Variants in ERAP2 observed in about 807,000 individuals in gnomAD.
The protein encoded by ERAP2 is endoplasmic reticulum aminopeptidase 2, also known as leukocyte-derived arginine aminopeptidase.
Under a neutral mutation model 111.1 loss-of-function variants are expected in ERAP2, and 118 were observed. The ratio of observed to expected loss-of-function variants is 1.06; its 90% CI spans 0.92 to 1.24. The LOEUF (loss-of-function observed/expected upper bound fraction) is 1.24, where lower values mean the gene tolerates loss of function less well. Among genes scored for constraint, ERAP2 ranks in the 50% most tolerant of loss-of-function variants. The pLI, the probability that ERAP2 is intolerant of heterozygous loss-of-function variation, is 0.00. For missense variants in ERAP2, 1,131 were observed against 1,125.8 expected (o/e 1.00, Z -0.07); for synonymous variants, 410 against 401.2 (o/e 1.02, Z -0.26).
chr5:96,908,858 A>T, intron 13 of ERAP2, 103 bp from the exon 14 acceptor site: 1 of 1,205,682 alleles, frequency 8.3e-7, no homozygotes. Context: ...AGCTATAATG[A>T]CCTACTTCTG....
chr5:96,900,291 G>C (rs1785311735), intron 10 of ERAP2, 102 bp downstream of exon 10: 1 of 1,465,826 alleles, frequency 6.8e-7, no homozygotes, highest in East Asian at 2.3e-5. Flanking sequence ...TTTAAAAGCT[G>C]GAGAGAAAGA....
Position 96,895,239 on chromosome 5 carries a change from C to G in ERAP2, c.1126-7C>G. 1 of 1,550,686 alleles carries G rather than the reference C, an allele frequency of 6.4e-7. No homozygotes were observed. The highest frequency in any genetic ancestry group is 8.8e-7 in the Non-Finnish European group (1 of 1,133,136). ...ACTTCTAATAATATTGAGTTTTTAC[C>G]TCCTAGTGGTTTGGCAACCTGGTCA... On this transcript the variant is annotated splice_polypyrimidine_tract_variant and splice_region_variant and intron_variant, in intron 6 of 18. Transcript: ENST00000437043.
chr5:96,884,067 T>A, intron 3 of ERAP2, 137 bp downstream of exon 3: 3 of 657,778 alleles, frequency 4.6e-6, no homozygotes, highest in African/African-American at 3.9e-5. Context: ...TCTATCTATC[T>A]ATCTATCTAT....
intron 2 of ERAP2, 147 bp downstream of exon 2, chr5:96,880,407 C>T: frequency 1.4e-6 from 1 of 734,922 alleles, no homozygotes; most frequent in Non-Finnish European, 2.2e-6. Flanking sequence ...TCTACCATTC[C>T]TTAAGGAAAC....
Position 96,879,744 on chromosome 5 carries a change from G to T in ERAP2, c.59G>T (p.Arg20Ile), listed in dbSNP as rs778522413. Residue 20 changes from arginine to isoleucine, a missense_variant, in exon 2 of 19, where the codon AGA becomes ATA. Physicochemically the swap from Arg to Ile is moderately conservative, Grantham distance 97. Transcript: ENST00000437043. ...AGAAAACCAATGTTTAACATTCACA[G>T]AGGATTTTACTGCTTAACAGCCATC... ...SHRKPMFNIHRGFYCLTAILP... is the reference protein window; with the variant it reads ...SHRKPMFNIHIGFYCLTAILP... The T allele has an allele frequency of 6.2e-7, 1 of 1,614,170 alleles. No individual in the cohort carries two copies. The highest frequency in any genetic ancestry group is 8.5e-7 in the Non-Finnish European group (1 of 1,180,022).
rs1317615543 is a variant in ERAP2 at position 96,913,427 on chromosome 5, T to A, written c.2627T>A (p.Val876Glu). 6 of 1,614,018 alleles carry A rather than the reference T, an allele frequency of 3.7e-6. No homozygotes were observed. Among genetic ancestry groups the A allele is most frequent in the Non-Finnish European group, 4.2e-6 (5 of 1,180,002 alleles). ...PKGQQLAWDF[V>E]RENWTHLLKK... ...GGGCAGCAACTAGCATGGGATTTTGTAAGAGAAAATTGGACCCATCTTCTG... is the reference window on the plus strand; with the variant it reads ...GGGCAGCAACTAGCATGGGATTTTGAAAGAGAAAATTGGACCCATCTTCTG... Residue 876 changes from valine to glutamate, a missense_variant, in exon 17 of 19, where the codon GTA becomes GAA. Val to Glu is a moderately radical substitution (Grantham distance 121). Transcript: ENST00000437043.
chr5:96,907,594 C>T (rs1295645488), intron 13 of ERAP2, among the ~76,000 whole-genome samples: 1 of 149,542 alleles, frequency 6.7e-6, no homozygotes, highest in African/African-American at 2.5e-5. Context: ...TTTAATACGG[C>T]AGACTAGCCG....
At chr5:96,914,489 T>G (rs1412495563) in intron 17 of ERAP2, among the ~76,000 whole-genome samples, 1 of 152,230 alleles carries the variant, frequency 6.6e-6, no homozygotes, top group Non-Finnish European at 1.5e-5. Context: ...CCTTTAAAAC[T>G]CTACTTGAGC....
At chr5:96,883,121 A>G (rs1482564615) in intron 2 of ERAP2, among the ~76,000 whole-genome samples, 1 of 152,204 alleles carries the variant, frequency 6.6e-6, no homozygotes, top group Non-Finnish European at 1.5e-5. Flanking sequence ...CCATTAGCCA[A>G]CAATGGTACA....
chr5:96,912,568 A>C, intron 15 of ERAP2, 69 bp from the exon 16 acceptor site: 1 of 1,262,556 alleles, frequency 7.9e-7, no homozygotes, highest in Non-Finnish European at 1.1e-6. Flanking sequence ...TATAGGACTT[A>C]AAATTGTCAT....
rs908009571 is a variant in ERAP2 at position 96,883,868 on chromosome 5, G to A, written c.652G>A (p.Ala218Thr). 1.9e-6 allele frequency: 3 copies of A among 1,613,700 alleles called. No individual in the cohort carries two copies. In the African/African-American group the frequency reaches 4.0e-5, roughly 22 times the overall value. Reference protein sequence around the residue: ...FPCFDEPLFKANFSIKIRRES... With the variant: ...FPCFDEPLFKTNFSIKIRRES... ...TTGCTTTGATGAACCGTTGTTCAAA[G>A]CCAACTTTTCAATCAAGATACGAAG... The change falls in exon 3 of 19, where the codon GCC becomes ACC. Residue 218 changes from alanine (A) to threonine (T), a missense_variant. Transcript: ENST00000437043.
At chr5:96,911,512 A>G (rs1179407008) in intron 15 of ERAP2, among the ~76,000 whole-genome samples, 1 of 152,134 alleles carries the variant, frequency 6.6e-6, no homozygotes, top group African/African-American at 2.4e-5. Flanking sequence ...TTATAAAATA[A>G]CTAGACACTA....
At position 96,895,252 on chromosome 5, in the gene ERAP2, G is replaced by A; in HGVS notation, c.1132G>A (p.Gly378Ser). 1 of 1,604,404 alleles carries A rather than the reference G, an allele frequency of 6.2e-7. No individual in the cohort carries two copies. The highest frequency in any genetic ancestry group is 8.5e-7 in the Non-Finnish European group (1 of 1,174,582). ...TTGAGTTTTTACCTCCTAGTGGTTT[G>A]GCAACCTGGTCACAATGGAATGGTG... ...IAHELAHQWF[G>S]NLVTMEWWND... The change falls in exon 7 of 19, where the codon GGC (glycine) becomes AGC (serine). Residue 378 changes from glycine (G) to serine (S), a missense_variant. Around this residue, in one of 3 missense-constraint regions of ERAP2, gnomAD observed 847 missense variants for 856.5 expected, o/e 0.99. Coordinates refer to ENST00000437043, the MANE Select transcript of ERAP2 (RefSeq NM_022350.5).
intron 1 of ERAP2, among the ~76,000 whole-genome samples, chr5:96,878,396 C>A (rs1782774870): frequency 3.8e-5 from 1 of 26,240 alleles, no homozygotes; most frequent in African/African-American, 7.3e-5. Context: ...AGTTCAATGC[C>A]ATTCGTAGTA....
At chr5:96,909,460 A>T in intron 14 of ERAP2, 120 bp from the exon 15 acceptor site, 1 of 774,012 alleles carries the variant, frequency 1.3e-6, no homozygotes, top group Non-Finnish European at 2.2e-6. Flanking sequence ...ACGAAGATAC[A>T]CTGTTTGGGG....
At chr5:96,885,714 CCTGT>C (rs1263071366) in intron 3 of ERAP2, among the ~76,000 whole-genome samples, 12 of 152,138 alleles carry the variant, frequency 7.9e-5, no homozygotes, top group Admixed American at 3.9e-4. Context: ...TGGGGAAGAG[CCTGT>C]CTAGGAGTTG....
chr5:96,889,287 T>C lies in ERAP2; in HGVS notation c.952T>C (p.Tyr318His). Reference protein sequence around the residue: ...DFYEKYFDIYYPLSKLDLIAI... With the variant: ...DFYEKYFDIYHPLSKLDLIAI... Reference sequence around the variant, plus strand: ...TTATGAAAAGTACTTTGATATCTACTATCCACTCTCCAAACTGGGTATGTT... The same window carrying C: ...TTATGAAAAGTACTTTGATATCTACCATCCACTCTCCAAACTGGGTATGTT... Residue 318 changes from tyrosine to histidine, a missense_variant, in exon 5 of 19, where the codon TAT (tyrosine) becomes CAT (histidine). Coordinates refer to ENST00000437043, the MANE Select transcript of ERAP2 (RefSeq NM_022350.5). The C allele has an allele frequency of 1.9e-6, 3 of 1,614,066 alleles. No individual in the cohort carries two copies. The South Asian group carries it at 3.3e-5, about 18-fold the overall frequency.
At chr5:96,912,611 C>A in intron 15 of ERAP2, 26 bp from the exon 16 acceptor site, 1 of 1,566,600 alleles carries the variant, frequency 6.4e-7, no homozygotes, top group Non-Finnish European at 8.6e-7. Flanking sequence ...AAAACTTTTT[C>A]TTCATTTTTA....
intron 1 of ERAP2, among the ~76,000 whole-genome samples, chr5:96,878,743 C>T (rs1782825798): frequency 6.6e-6 from 1 of 152,088 alleles, no homozygotes; most frequent in African/African-American, 2.4e-5. Flanking sequence ...GCCAGGCCAA[C>T]ATGGTGAAAC....
Sources: allele counts gnomAD v4.1 joint callset (sites outside exome capture counted in the v4.1 genomes callset), GRCh38; gene constraint gnomAD v4.1.1; regional missense constraint gnomAD v4.1.1; transcripts MANE v1.5; gene names NCBI Gene and HGNC (gene_info 2026-07-23, HGNC 2026-07-21).